PTCHD4: variants seen among roughly 807,000 people sequenced by gnomAD.
The protein encoded by PTCHD4 is patched domain containing 4.
Under a neutral mutation model 58.1 loss-of-function variants are expected in PTCHD4, and 33 were observed. That is an observed-to-expected ratio of 0.57 (90% CI 0.43 to 0.76). The LOEUF is 0.76. Among genes scored for constraint, PTCHD4 ranks in the 30% least tolerant of loss-of-function variants. PTCHD4 has a pLI of 0.00. For missense variants in PTCHD4, 1,058 were observed against 1,027.1 expected (o/e 1.03, Z -0.41); for synonymous variants, 478 against 409.6 (o/e 1.17, Z -2.02).
chr6:47,882,289 T>C (rs1764040183), intron 4 of PTCHD4, among the ~76,000 whole-genome samples: 2 of 152,086 alleles, frequency 1.3e-5, no homozygotes, highest in Admixed American at 6.6e-5. Context: ...TTAGGTACAC[T>C]ATGTAGGCCA....
intron 3 of PTCHD4, among the ~76,000 whole-genome samples, chr6:48,064,901 A>C (rs1040900563): frequency 6.6e-6 from 1 of 152,168 alleles, no homozygotes; most frequent in South Asian, 2.1e-4. Flanking sequence ...AGATTTTGGC[A>C]TATTTTCTAC....
chr6:48,041,623 G>A (rs1455678923), intron 3 of PTCHD4, among the ~76,000 whole-genome samples: 1 of 152,008 alleles, frequency 6.6e-6, no homozygotes, highest in Admixed American at 6.6e-5. Context: ...TGCTAAAGAT[G>A]TTATTGAGAT....
intron 4 of PTCHD4, among the ~76,000 whole-genome samples, chr6:47,912,283 C>T (rs112238202): frequency 1.0e-3 from 157 of 151,882 alleles, no homozygotes; most frequent in Non-Finnish European, 2.0e-3. Context: ...CCATCCCATC[C>T]CCCACCAAAC....
chr6:48,053,322 G>A (rs1764299086), intron 3 of PTCHD4, among the ~76,000 whole-genome samples: 1 of 152,058 alleles, frequency 6.6e-6, no homozygotes, highest in South Asian at 2.1e-4. Flanking sequence ...AAGTCAAAGA[G>A]TAATTCACTT....
intron 4 of PTCHD4, among the ~76,000 whole-genome samples, chr6:47,950,021 C>A (rs796515771): frequency 2.3e-4 from 35 of 149,734 alleles, no homozygotes; most frequent in African/African-American, 8.6e-4. Context: ...CTAATGCTAT[C>A]TCTTCCCCCT....
intron 1 of PTCHD4, among the ~76,000 whole-genome samples, chr6:48,107,174 G>A (rs890341244): frequency 3.3e-5 from 5 of 152,126 alleles, no homozygotes; most frequent in African/African-American, 1.2e-4. Context: ...CAAAGCTGGA[G>A]GCATCATGCT....
At position 48,074,343 on chromosome 6, in the gene PTCHD4, C is replaced by T. The variant is rs138834716; in HGVS notation, c.-969-4417G>A. Among the ~76,000 whole-genome samples, 57 of 152,308 alleles carry T rather than the reference C, an allele frequency of 3.7e-4. 1 individual carries two copies. The Middle Eastern group carries it at 0.014, about 36-fold the overall frequency. ...CAAGAGTGTAATTAAGAACCCAGGTCATTTTCCTCTCGGCCTTGCCCATGC... is the reference window on the plus strand; with the variant it reads ...CAAGAGTGTAATTAAGAACCCAGGTTATTTTCCTCTCGGCCTTGCCCATGC... On this transcript the variant is annotated intron_variant, in intron 1 of 4. Transcript: ENST00000339488.
chr6:48,106,396 C>G lies in PTCHD4; in HGVS notation c.-970+4653G>C, dbSNP rs75690259. ...TGCAGAAAAGACCTTTGACAAAATT[C>G]AACAATGCTTCACGCTAAAAATTCT... On this transcript the variant is annotated intron_variant, in intron 1 of 4. Coordinates refer to ENST00000339488, the MANE Select transcript of PTCHD4 (RefSeq NM_001384253.1). Among the ~76,000 whole-genome samples the G allele has an allele frequency of 2.2e-3, 338 of 152,288 alleles. 6 individuals carry two copies. The East Asian group carries it at 0.056, about 25-fold the overall frequency.
intron 3 of PTCHD4, among the ~76,000 whole-genome samples, chr6:48,026,075 G>T (rs896993943): frequency 6.6e-6 from 1 of 152,122 alleles, no homozygotes; most frequent in South Asian, 2.1e-4. Context: ...TAAGGAATTT[G>T]GCATAGTGAC....
At chr6:47,999,225 T>C (rs114392913) in intron 4 of PTCHD4, among the ~76,000 whole-genome samples, 3,610 of 152,304 alleles carry the variant, frequency 0.024, 66 homozygotes, top group Non-Finnish European at 0.038. Flanking sequence ...ACAAGACATC[T>C]AGCAGGTTAA....
intron 3 of PTCHD4, among the ~76,000 whole-genome samples, chr6:48,062,406 G>A (rs1422648841): frequency 2.6e-5 from 4 of 151,934 alleles, no homozygotes; most frequent in Admixed American, 2.0e-4. Flanking sequence ...CATCAGATAA[G>A]CTGAAGATAA....
intron 1 of PTCHD4, among the ~76,000 whole-genome samples, chr6:48,078,560 A>T (rs1223421099): frequency 6.6e-6 from 1 of 152,220 alleles, no homozygotes; most frequent in Non-Finnish European, 1.5e-5. Flanking sequence ...ACAAATTTTT[A>T]AAAGCATTTT....
At chr6:48,085,249 C>T (rs975298675) in intron 1 of PTCHD4, among the ~76,000 whole-genome samples, 3 of 152,034 alleles carry the variant, frequency 2.0e-5, no homozygotes, top group Admixed American at 6.5e-5. Context: ...TTTTTACAAG[C>T]TTTGTAAATT....
chr6:48,021,930 A>G (rs1219391891), intron 3 of PTCHD4, among the ~76,000 whole-genome samples: 3 of 152,164 alleles, frequency 2.0e-5, no homozygotes, highest in Non-Finnish European at 4.4e-5. Flanking sequence ...TCTGAAGCCA[A>G]ATGAAACAAA....
At chr6:47,922,340 C>T (rs747329140) in intron 4 of PTCHD4, among the ~76,000 whole-genome samples, 2 of 152,122 alleles carry the variant, frequency 1.3e-5, no homozygotes, top group Non-Finnish European at 2.9e-5. Flanking sequence ...TGACTTCACT[C>T]CTCTCTGACT....
chr6:47,925,237 T>C (rs1320532480), intron 4 of PTCHD4, among the ~76,000 whole-genome samples: 3 of 151,596 alleles, frequency 2.0e-5, no homozygotes, highest in Non-Finnish European at 4.4e-5. Context: ...CTGGTGGTTG[T>C]CTCCTCCTCC....
intron 4 of PTCHD4, among the ~76,000 whole-genome samples, chr6:47,882,546 C>G (rs1355039778): frequency 1.3e-5 from 2 of 151,706 alleles, no homozygotes; most frequent in Non-Finnish European, 2.9e-5. Flanking sequence ...ATTGCCTGCT[C>G]CAGTCAAGGT....
chr6:48,057,310 A>C (rs1764446300), intron 3 of PTCHD4, among the ~76,000 whole-genome samples: 1 of 151,932 alleles, frequency 6.6e-6, no homozygotes, highest in Admixed American at 6.6e-5. Context: ...AAATCATAGG[A>C]TATCAGACTG....
intron 1 of PTCHD4, among the ~76,000 whole-genome samples, chr6:48,085,098 A>C (rs1276110805): frequency 6.6e-6 from 1 of 151,788 alleles, no homozygotes; most frequent in Admixed American, 6.6e-5. Context: ...GCTCACAGTC[A>C]CCCGATAGTT....
Sources: gnomAD v4.1 joint callset for allele counts (sites outside exome capture counted in the v4.1 genomes callset) on GRCh38, gnomAD v4.1.1 for gene constraint, MANE v1.5 for transcripts, NCBI Gene and HGNC (gene_info 2026-07-23, HGNC 2026-07-21) for gene names.